ATOH8: variants seen among roughly 807,000 people sequenced by gnomAD.
The protein encoded by ATOH8 is atonal bHLH transcription factor 8.
A neutral mutation model predicts 21.2 loss-of-function variants in ATOH8; 9 were observed. That is an observed-to-expected ratio of 0.42 (90% confidence interval 0.26 to 0.74). The LOEUF (loss-of-function observed/expected upper bound fraction) is 0.74, where lower values mean the gene tolerates loss of function less well. ATOH8 is among the 30% of genes least tolerant of loss of function. ATOH8 has a pLI of 0.24. For synonymous variants in ATOH8, 253 were observed against 224.0 expected (o/e 1.13, Z -1.16); for missense variants, 524 against 470.9 (o/e 1.11, Z -1.04).
chr2:85,783,411 A>G (rs1680546612), intron 2 of ATOH8, among the ~76,000 whole-genome samples: 1 of 152,160 alleles, frequency 6.6e-6, no homozygotes, highest in Non-Finnish European at 1.5e-5. Flanking sequence ...TACTAAAAAT[A>G]CAAAAAATTA....
chr2:85,754,490 G>T lies in ATOH8; in HGVS notation c.301G>T (p.Ala101Ser). ...DTAGERGGSR[A>S]PEVSDARKRC... ...AGCCGGGGAGCGCGGGGGCTCTCGG[G>T]CGCCCGAGGTCTCCGACGCGCGGAA... The change falls in exon 1 of 3, where the codon GCG becomes TCG. Residue 101 changes from alanine (A) to serine (S), a missense_variant. By Grantham distance (99) the Ala-to-Ser change is moderately conservative. Coordinates refer to ENST00000306279, the MANE Select transcript of ATOH8 (RefSeq NM_032827.7). 1.4e-6 allele frequency: 2 copies of T among 1,437,254 alleles called. No individual in the cohort carries two copies. Among genetic ancestry groups the T allele is most frequent in the Non-Finnish European group, 9.1e-7 (1 of 1,104,956 alleles). 89.0% of individuals were successfully genotyped at this position (1,437,254 alleles called of 1,614,324 possible).
At chr2:85,765,404 C>G (rs969328927) in intron 2 of ATOH8, among the ~76,000 whole-genome samples, 3 of 152,270 alleles carry the variant, frequency 2.0e-5, no homozygotes, top group Non-Finnish European at 4.4e-5. Flanking sequence ...GGGCTCCCCG[C>G]TGCCGCTGCC....
rs1249019040 is a variant in ATOH8, at chr2:85,791,335, G to C, written c.*4445G>C. 6.6e-6 allele frequency among the ~76,000 whole-genome samples: 1 copy of C among 152,118 alleles called. No homozygotes were observed. The highest frequency in any genetic ancestry group is 1.5e-5 in the Non-Finnish European group (1 of 68,036). Reference sequence around the variant, plus strand: ...GGCTTTCTTGCAAAGTGTATATATTGGTTTCTTTGCTGAATGAATGAATAA... The same window carrying C: ...GGCTTTCTTGCAAAGTGTATATATTCGTTTCTTTGCTGAATGAATGAATAA... On this transcript the variant is annotated 3_prime_UTR_variant, in exon 3 of 3. Coordinates refer to ENST00000306279, the MANE Select transcript of ATOH8 (RefSeq NM_032827.7).
intron 2 of ATOH8, among the ~76,000 whole-genome samples, chr2:85,778,192 G>C (rs898241712): frequency 1.3e-5 from 2 of 152,238 alleles, no homozygotes; most frequent in African/African-American, 4.8e-5. Flanking sequence ...AGGCCATGCA[G>C]CTGGTAGAAT....
chr2:85,776,145 G>T (rs993847279), intron 2 of ATOH8, among the ~76,000 whole-genome samples: 2 of 152,220 alleles, frequency 1.3e-5, no homozygotes, highest in Admixed American at 1.3e-4. Context: ...GAGATGAGGC[G>T]AAGTCGCCCA....
chr2:85,777,010 G>A (rs1052093919), intron 2 of ATOH8, among the ~76,000 whole-genome samples: 4 of 151,830 alleles, frequency 2.6e-5, no homozygotes, highest in Non-Finnish European at 4.4e-5. Flanking sequence ...TTCTTCACTT[G>A]TTCAGTCTTT....
At chr2:85,759,101 C>G (rs1679793883) in intron 1 of ATOH8, among the ~76,000 whole-genome samples, 2 of 152,198 alleles carry the variant, frequency 1.3e-5, no homozygotes, top group Non-Finnish European at 2.9e-5. Context: ...GGGCTACCTC[C>G]CCTGCTGCCC....
chr2:85,781,069 A>G (rs1680474867), intron 2 of ATOH8: 1 of 987,978 alleles, frequency 1.0e-6, no homozygotes, highest in African/African-American at 1.7e-5. Flanking sequence ...AGATCTGTCA[A>G]ACGCAAGGAT....
rs752239465 is a variant in ATOH8, at chr2:85,763,971, C to T, written c.769-20C>T. On this transcript the variant is annotated intron_variant, in intron 1 of 2. Coordinates refer to ENST00000306279, the MANE Select transcript of ATOH8 (RefSeq NM_032827.7). Reference sequence around the variant, plus strand: ...GGGCACTGCGCCCCTGCAGCCCCTCCTGACGCCTTCTCCCCTCAGGTGCCG... The same window carrying T: ...GGGCACTGCGCCCCTGCAGCCCCTCTTGACGCCTTCTCCCCTCAGGTGCCG... The T allele has an allele frequency of 2.5e-6, 4 of 1,610,132 alleles. No individual in the cohort carries two copies. Among genetic ancestry groups the T allele is most frequent in the African/African-American group, 2.7e-5 (2 of 74,804 alleles).
Position 85,786,911 on chromosome 2 carries a change from G to C in ATOH8, c.*21G>C. On this transcript the variant is annotated 3_prime_UTR_variant, in exon 3 of 3. Transcript: ENST00000306279. The stretch of plus-strand genomic sequence containing the variant: ...AGTGACTGGCTGCAGGCAAGACCAA[G>C]GCCACCACTGTGGGCCCTCCTTCCA... 1.2e-6 allele frequency: 2 copies of C among 1,614,136 alleles called. No homozygotes were observed. Among genetic ancestry groups the C allele is most frequent in the Non-Finnish European group, 1.7e-6 (2 of 1,180,012 alleles).
intron 1 of ATOH8, among the ~76,000 whole-genome samples, chr2:85,759,242 G>A (rs1175025820): frequency 2.0e-5 from 3 of 152,194 alleles, no homozygotes; most frequent in African/African-American, 7.2e-5. Flanking sequence ...GGAGTGCAAA[G>A]CAGCCTGTAC....
intron 2 of ATOH8, among the ~76,000 whole-genome samples, chr2:85,778,487 T>C (rs768316129): frequency 2.6e-5 from 4 of 152,190 alleles, no homozygotes; most frequent in Admixed American, 6.5e-5. Context: ...ACGCACACTG[T>C]TTTTGCTGAA....
At chr2:85,773,077 T>A (rs1680232162) in intron 2 of ATOH8, 4 of 354,944 alleles carry the variant, frequency 1.1e-5, no homozygotes, top group South Asian at 8.7e-5. Flanking sequence ...GGCAGAGTCA[T>A]TCCGCCGTCA....
intron 2 of ATOH8, among the ~76,000 whole-genome samples, chr2:85,779,433 C>G (rs972136990): frequency 6.6e-6 from 1 of 152,256 alleles, no homozygotes; most frequent in African/African-American, 2.4e-5. Flanking sequence ...GAGAGAGTGG[C>G]CTGCAGCCTG....
In ATOH8 at chr2:85,754,723, T is replaced by C. The variant is rs544483264; in HGVS notation, c.534T>C (p.Thr178=). The C allele has an allele frequency of 5.0e-6, 8 of 1,612,040 alleles. No individual in the cohort carries two copies. In the South Asian group the frequency reaches 7.7e-5, roughly 15 times the overall value. ...PPAPPAPPES[T]VRPAPPTRPG... is the part of the protein sequence containing the mutation. ...CACCGCCAGCGCCCCCGGAGTCCACTGTGCGCCCTGCGCCCCCGACGCGCC... is the reference window on the plus strand; with the variant it reads ...CACCGCCAGCGCCCCCGGAGTCCACCGTGCGCCCTGCGCCCCCGACGCGCC... The change falls in exon 1 of 3, where the codon ACT becomes ACC. Residue 178 remains threonine (T), a synonymous_variant. Coordinates refer to ENST00000306279, the MANE Select transcript of ATOH8 (RefSeq NM_032827.7).
chr2:85,760,410 A>G (rs908160067), intron 1 of ATOH8, among the ~76,000 whole-genome samples: 5 of 152,064 alleles, frequency 3.3e-5, no homozygotes, highest in African/African-American at 1.2e-4. Flanking sequence ...GAGGGATCTC[A>G]TGGCATCATC....
At chr2:85,764,868 T>C (rs1288131638) in intron 2 of ATOH8, among the ~76,000 whole-genome samples, 1 of 152,002 alleles carries the variant, frequency 6.6e-6, no homozygotes, top group Non-Finnish European at 1.5e-5. Context: ...CCACGGGAGT[T>C]TGAAAGGGCA....
At chr2:85,768,315 A>G (rs1680081129) in intron 2 of ATOH8, among the ~76,000 whole-genome samples, 1 of 152,164 alleles carries the variant, frequency 6.6e-6, no homozygotes, top group South Asian at 2.1e-4. Flanking sequence ...GACAAGGTGC[A>G]TGGTGGCCCA....
chr2:85,779,286 G>C (rs1053593941), intron 2 of ATOH8, among the ~76,000 whole-genome samples: 1 of 152,252 alleles, frequency 6.6e-6, no homozygotes, highest in African/African-American at 2.4e-5. Flanking sequence ...AATGCCCCAC[G>C]CTGGGGGTGA....
Sources: allele counts gnomAD v4.1 joint callset (sites outside exome capture counted in the v4.1 genomes callset), GRCh38; gene constraint gnomAD v4.1.1; transcripts MANE v1.5; gene names NCBI Gene and HGNC (gene_info 2026-07-23, HGNC 2026-07-21).